JADE2: variants seen among roughly 807,000 people sequenced by gnomAD.
JADE2 encodes E3 ubiquitin-protein ligase Jade-2.
JADE2 carries 13 observed loss-of-function variants against 85.7 expected under a neutral mutation model. That is an observed-to-expected ratio of 0.15 (90% CI 0.10 to 0.24). JADE2 has a LOEUF of 0.24. Ranked by LOEUF, JADE2 falls within the 10% of genes least tolerant of loss-of-function variation. The pLI is 1.00. For missense variants in JADE2, 846 were observed against 1,115.9 expected (o/e 0.76, Z 3.45); for synonymous variants, 440 against 456.1 (o/e 0.96, Z 0.45).
At position 134,525,904 on chromosome 5, in the gene JADE2, C is replaced by T; in HGVS notation, c.-108C>T. On this transcript the variant is annotated 5_prime_UTR_variant, in exon 1 of 12. Coordinates refer to ENST00000681547, the MANE Select transcript of JADE2 (RefSeq NM_001388185.1). ...GATGGATGCGCGCCCCCCGCCCTCCCGCGCCGGCCCCAGGAGCTCCCGGCT... is the reference window on the plus strand; with the variant it reads ...GATGGATGCGCGCCCCCCGCCCTCCTGCGCCGGCCCCAGGAGCTCCCGGCT... 4.1e-6 allele frequency: 4 copies of T among 985,858 alleles called. No homozygotes were observed. Among genetic ancestry groups the T allele is most frequent in the Non-Finnish European group, 4.8e-6 (4 of 830,456 alleles). The allele number at this position is 985,858 out of a possible 1,614,324, so 61.1% of individuals were successfully genotyped here.
Position 134,535,885 on chromosome 5 carries a change from A to G in JADE2, c.28A>G (p.Ile10Val), listed in dbSNP as rs1761554782. The G allele has an allele frequency of 1.2e-6, 2 of 1,613,918 alleles. No individual in the cohort carries two copies. Among genetic ancestry groups the G allele is most frequent in the South Asian group, 2.2e-5 (2 of 91,080 alleles). The change falls in exon 2 of 12, where the codon ATC becomes GTC. Residue 10 changes from isoleucine to valine, a missense_variant. By Grantham distance (29) the Ile-to-Val change is conservative. Around this residue, in one of 9 missense-constraint regions of JADE2, gnomAD observed 47 missense variants for 42.2 expected, o/e 1.11. Coordinates refer to ENST00000681547, the MANE Select transcript of JADE2 (RefSeq NM_001388185.1). The part of the protein sequence containing the change: MEEKRRKYS[I>V]SSDNSDTTDS... ...GGAAGAGAAGAGGCGAAAATACTCCATCAGCAGTGACAACTCTGACACCAC... is the reference window on the plus strand; with the variant it reads ...GGAAGAGAAGAGGCGAAAATACTCCGTCAGCAGTGACAACTCTGACACCAC...
At chr5:134,539,162 C>T (rs1269170429) in intron 3 of JADE2, among the ~76,000 whole-genome samples, 1 of 151,490 alleles carries the variant, frequency 6.6e-6, no homozygotes, top group African/African-American at 2.4e-5. Flanking sequence ...CTTGGGTTCA[C>T]GCCATTCTCC....
intron 3 of JADE2, among the ~76,000 whole-genome samples, chr5:134,551,030 T>C (rs1762560446): frequency 1.3e-5 from 2 of 152,090 alleles, no homozygotes; most frequent in Non-Finnish European, 2.9e-5. Context: ...AGCCACTATC[T>C]AGGCTGCCCT....
intron 4 of JADE2, among the ~76,000 whole-genome samples, chr5:134,555,996 T>C (rs1046071749): frequency 6.6e-6 from 1 of 152,266 alleles, no homozygotes; most frequent in South Asian, 2.1e-4. Flanking sequence ...CTCTGCCGGG[T>C]TGGGCCCCTG....
At chr5:134,528,741 AC>A (rs1450868564) in intron 1 of JADE2, among the ~76,000 whole-genome samples, 1 of 152,174 alleles carries the variant, frequency 6.6e-6, no homozygotes, top group Non-Finnish European at 1.5e-5. Flanking sequence ...AGGCAGCAGG[AC>A]TTGCAGTGAA....
Position 134,581,924 on chromosome 5 carries a change from C to G in JADE2, c.*2607C>G, listed in dbSNP as rs534660717. On this transcript the variant is annotated 3_prime_UTR_variant, in exon 12 of 12. Coordinates refer to ENST00000681547, the MANE Select transcript of JADE2 (RefSeq NM_001388185.1). ...AGTTCCCAGCCTTTCCCCTGTTGGT[C>G]ACAGCCGCTTCTGTCTTTTTCCGGT... The G allele has an allele frequency of 6.6e-6, 1 of 152,480 alleles. No individual in the cohort carries two copies. Among genetic ancestry groups the G allele is most frequent in the East Asian group, 1.9e-4 (1 of 5,184 alleles). The allele number at this position is 152,480 out of a possible 1,614,324, so 9.4% of individuals were successfully genotyped here. A position where few individuals can be genotyped will look rare whatever the true frequency, so the allele number is the denominator to read the frequency against.
At chr5:134,559,541 A>G (rs1210114499) in intron 4 of JADE2, among the ~76,000 whole-genome samples, 2 of 152,180 alleles carry the variant, frequency 1.3e-5, no homozygotes, top group Non-Finnish European at 1.5e-5. Context: ...GTGGATGTTT[A>G]TAGGGTAAGC....
At chr5:134,568,554 C>T (rs773292643) in intron 9 of JADE2, among the ~76,000 whole-genome samples, 1 of 152,192 alleles carries the variant, frequency 6.6e-6, no homozygotes, top group Non-Finnish European at 1.5e-5. Context: ...TCCCACTCCT[C>T]CTCTGGGAAG....
In JADE2 at chr5:134,572,896, G is replaced by A. The variant is rs185735440; in HGVS notation, c.1435-749G>A. 9.8e-5 allele frequency among the ~76,000 whole-genome samples: 15 copies of A among 152,364 alleles called. No individual in the cohort carries two copies. The East Asian group carries it at 2.7e-3, about 27-fold the overall frequency. ...GGGGCTCTTCCCAGCTGGCCTTGAG[G>A]CAGTCAGAGAGGCCTCTACCCTCTC... On this transcript the variant is annotated intron_variant, in intron 9 of 11. Coordinates refer to ENST00000681547, the MANE Select transcript of JADE2 (RefSeq NM_001388185.1).
intron 10 of JADE2, chr5:134,574,188 A>C: frequency 3.6e-6 from 1 of 279,682 alleles, no homozygotes; most frequent in Non-Finnish European, 6.9e-6. Flanking sequence ...TGTCCCAGAG[A>C]TGTGACAGGA....
chr5:134,536,057 C>A (rs1761564884), intron 2 of JADE2, 142 bp downstream of exon 2: 2 of 732,456 alleles, frequency 2.7e-6, no homozygotes, highest in African/African-American at 1.8e-5. Context: ...AGTCAGGTTT[C>A]TCCACTCCTG....
In JADE2 at chr5:134,573,630, C is replaced by G; in HGVS notation, c.1435-15C>G. 2 of 1,596,060 alleles carry G rather than the reference C, an allele frequency of 1.3e-6. No individual in the cohort carries two copies. Among genetic ancestry groups the G allele is most frequent in the South Asian group, 1.1e-5 (1 of 90,684 alleles). ...TGCCTGTGAGTAAGGTGGAAAATCT[C>G]TCTTGTTTTCTCAGGTTAGAAATCT... On this transcript the variant is annotated splice_polypyrimidine_tract_variant and intron_variant, in intron 9 of 11. Transcript: ENST00000681547.
At position 134,582,946 on chromosome 5, in the gene JADE2, T is replaced by C. The variant is rs573521982; in HGVS notation, c.*3629T>C. ...AAAAGATTCCTTTGTAGAGAAAAAA[T>C]GTATTTTTCATTAACGCAAAGACCT... On this transcript the variant is annotated 3_prime_UTR_variant, in exon 12 of 12. Transcript: ENST00000681547. 6.5e-6 allele frequency: 1 copy of C among 152,786 alleles called. No individual in the cohort carries two copies. The highest frequency in any genetic ancestry group is 1.9e-4 in the East Asian group (1 of 5,192). The allele number at this position is 152,786 out of a possible 1,614,324, so 9.5% of individuals were successfully genotyped here. A position where few individuals can be genotyped will look rare whatever the true frequency, so the allele number is the denominator to read the frequency against.
chr5:134,528,939 G>T (rs965785868), intron 1 of JADE2, among the ~76,000 whole-genome samples: 4 of 152,198 alleles, frequency 2.6e-5, no homozygotes. Flanking sequence ...GAGGTTGTCA[G>T]AAATCTCCAC....
chr5:134,565,291 C>T (rs1365929272), intron 8 of JADE2, among the ~76,000 whole-genome samples: 1 of 152,208 alleles, frequency 6.6e-6, no homozygotes, highest in Non-Finnish European at 1.5e-5. Flanking sequence ...CACGGACCTT[C>T]AAAAGGATTT....
intron 1 of JADE2, among the ~76,000 whole-genome samples, chr5:134,527,864 G>A (rs1218490885): frequency 6.6e-6 from 1 of 152,200 alleles, no homozygotes; most frequent in Non-Finnish European, 1.5e-5. Context: ...GCCGTATGCC[G>A]AAGGCACACT....
intron 9 of JADE2, among the ~76,000 whole-genome samples, chr5:134,568,460 G>A (rs889304375): frequency 1.3e-5 from 2 of 152,208 alleles, no homozygotes; most frequent in African/African-American, 2.4e-5. Flanking sequence ...TGAGGTTGGC[G>A]GGCTCTGGGG....
intron 10 of JADE2, chr5:134,574,095 T>C: frequency 2.7e-6 from 1 of 366,732 alleles, no homozygotes; most frequent in Non-Finnish European, 5.2e-6. Flanking sequence ...GGCTCTCTGC[T>C]GGTGCTGAGG....
chr5:134,540,525 C>T (rs1250254684), intron 3 of JADE2, among the ~76,000 whole-genome samples: 3 of 152,022 alleles, frequency 2.0e-5, no homozygotes, highest in East Asian at 3.9e-4. Flanking sequence ...TGAGCTACTG[C>T]GCCTAGCCTC....
Sources: allele counts gnomAD v4.1 joint callset (sites outside exome capture counted in the v4.1 genomes callset), GRCh38; gene constraint gnomAD v4.1.1; regional missense constraint gnomAD v4.1.1; transcripts MANE v1.5; gene names NCBI Gene and HGNC (gene_info 2026-07-23, HGNC 2026-07-21).